The following PRLR variants were observed in gnomAD, a reference collection of about 807,000 sequenced individuals.
The protein encoded by PRLR is prolactin receptor.
PRLR carries 13 observed loss-of-function variants against 40.2 expected under a neutral mutation model. The ratio of observed to expected loss-of-function variants is 0.32; its 90% CI spans 0.21 to 0.51. The LOEUF (loss-of-function observed/expected upper bound fraction) is 0.51. Among genes scored for constraint, PRLR ranks in the 20% least tolerant of loss-of-function variants. The pLI is 0.97. For missense variants in PRLR, 656 were observed against 747.3 expected (o/e 0.88, Z 1.42); for synonymous variants, 269 against 278.7 (o/e 0.97, Z 0.35).
chr5:35,153,861 T>C (rs1774411230), intron 1 of PRLR, among the ~76,000 whole-genome samples: 1 of 151,536 alleles, frequency 6.6e-6, no homozygotes, highest in Admixed American at 6.6e-5. Context: ...TGGGTGCCCA[T>C]TTGGTCCTGA....
At chr5:35,155,593 G>A (rs899093352) in intron 1 of PRLR, among the ~76,000 whole-genome samples, 3 of 152,152 alleles carry the variant, frequency 2.0e-5, no homozygotes, top group African/African-American at 7.2e-5. Context: ...GGTTCTTAAC[G>A]ATACCTGGGA....
Position 35,188,004 on chromosome 5 carries a change from A to G in PRLR, c.-106+42264T>C, listed in dbSNP as rs147493485. Among the ~76,000 whole-genome samples, 263 of 152,228 alleles carry G rather than the reference A, an allele frequency of 1.7e-3. 1 individual carries two copies. The highest frequency in any genetic ancestry group is 4.6e-3 in the Admixed American group (71 of 15,290). ...CTCAACTGTTAACTGCATATCCCCA[A>G]TCATTTTCCCTTGGCAGCTCAATTT... On this transcript the variant is annotated intron_variant, in intron 1 of 9. Coordinates refer to ENST00000618457, the MANE Select transcript of PRLR (RefSeq NM_000949.7).
chr5:35,084,570 C>T lies in PRLR; in HGVS notation c.273G>A (p.Gln91=), dbSNP rs756509968. 1.2e-6 allele frequency: 2 copies of T among 1,609,680 alleles called. No homozygotes were observed. Among genetic ancestry groups the T allele is most frequent in the Admixed American group, 3.4e-5 (2 of 59,056 alleles). Residue 91 remains glutamine (Q), a synonymous_variant, in exon 5 of 10, where the codon CAG becomes CAA. Coordinates refer to ENST00000618457, the MANE Select transcript of PRLR (RefSeq NM_000949.7). ...TGTATGTCCTCCACATGGAGGTGTA[C>T]TGCTTGCCAAAGTGGCAGGAGTTGG... The part of the protein sequence containing the change: ...GGPNSCHFGK[Q]YTSMWRTYIM...
In PRLR at chr5:35,049,830, C is replaced by T. The variant is rs910793755; in HGVS notation, c.1010-422G>A. Among the ~76,000 whole-genome samples the T allele has an allele frequency of 5.3e-5, 8 of 149,874 alleles. No individual in the cohort carries two copies. The East Asian group carries it at 1.6e-3, about 30-fold the overall frequency. The stretch of plus-strand genomic sequence containing the variant: ...GGATTCCTAGGTCAAAATGTGTGTA[C>T]ATTTTAAATGCATCTCAGTAAGATG... On this transcript the variant is annotated intron_variant, in intron 8 of 8. Transcript: ENST00000231423.
At chr5:35,095,075 C>A (rs555845237) in intron 2 of PRLR, among the ~76,000 whole-genome samples, 41 of 152,192 alleles carry the variant, frequency 2.7e-4, no homozygotes, top group Non-Finnish European at 4.6e-4. Context: ...GAAATTTACC[C>A]GCCTTGGCCT....
chr5:35,225,412 G>A (rs1034041386), intron 1 of PRLR, among the ~76,000 whole-genome samples: 54 of 152,198 alleles, frequency 3.5e-4, no homozygotes, highest in African/African-American at 1.3e-3. Context: ...GGGGGCAGAT[G>A]AGAAGGAGCC....
At chr5:35,053,956 C>G, downstream of PRLR, among the ~76,000 whole-genome samples, 1 of 152,070 alleles carries the variant, frequency 6.6e-6, no homozygotes, top group East Asian at 1.9e-4. Context: ...AATAGATACA[C>G]AGAAAAATGG....
At chr5:35,118,017 G>T in intron 2 of PRLR, 44 bp downstream of exon 2, 3 of 936,314 alleles carry the variant, frequency 3.2e-6, no homozygotes, top group Non-Finnish European at 3.8e-6. Context: ...CAGTGGGGCA[G>T]ATGGGTGGTG....
chr5:35,058,248 T>C lies in PRLR; in HGVS notation c.*6841A>G, dbSNP rs1191274035. 6 of 152,076 alleles carry C rather than the reference T, an allele frequency of 3.9e-5. No individual in the cohort carries two copies. Among genetic ancestry groups the C allele is most frequent in the Non-Finnish European group, 8.8e-5 (6 of 67,994 alleles). 9.4% of individuals were successfully genotyped at this position (152,076 alleles called of 1,614,324 possible). A position where few individuals can be genotyped will look rare whatever the true frequency, so the allele number is the denominator to read the frequency against. ...AGGGAAAGAGGAAAAGCAGAGGTAG[T>C]GGTAGCTTTGAAAATGTGGAACCTT... On this transcript the variant is annotated 3_prime_UTR_variant, in exon 10 of 10. Coordinates refer to ENST00000618457, the MANE Select transcript of PRLR (RefSeq NM_000949.7).
chr5:35,086,090 G>T, intron 4 of PRLR, 118 bp downstream of exon 4: 1 of 1,261,330 alleles, frequency 7.9e-7, no homozygotes, highest in Non-Finnish European at 1.1e-6. Flanking sequence ...TTCCCCGGTG[G>T]TATGAACCTT....
intron 1 of PRLR, among the ~76,000 whole-genome samples, chr5:35,128,891 C>T (rs962842964): frequency 1.3e-5 from 2 of 152,176 alleles, no homozygotes; most frequent in Admixed American, 6.5e-5. Context: ...GCACAACTCT[C>T]AGGCAAGACC....
chr5:35,130,676 T>G (rs1415881274), intron 1 of PRLR, among the ~76,000 whole-genome samples: 2 of 152,150 alleles, frequency 1.3e-5, no homozygotes, highest in Non-Finnish European at 2.9e-5. Context: ...GTTTGGATGG[T>G]GTTATGGGTT....
At chr5:35,131,696 GA>G (rs1447391852) in intron 1 of PRLR, among the ~76,000 whole-genome samples, 2 of 152,090 alleles carry the variant, frequency 1.3e-5, no homozygotes, top group Non-Finnish European at 2.9e-5. Flanking sequence ...TTGGAACTCT[GA>G]ACATATATTT....
intron 2 of PRLR, among the ~76,000 whole-genome samples, chr5:35,106,711 C>T (rs1467921660): frequency 6.6e-6 from 1 of 152,122 alleles, no homozygotes; most frequent in African/African-American, 2.4e-5. Context: ...TACAGGAGCA[C>T]CCAGATTCAT....
intron 6 of PRLR, 54 bp from the exon 7 acceptor site, chr5:35,070,319 G>C (rs557632708): frequency 6.3e-7 from 1 of 1,591,378 alleles, no homozygotes; most frequent in Non-Finnish European, 8.6e-7. Flanking sequence ...TGTGAAGAAA[G>C]AGAGTTTTCC....
chr5:35,106,814 C>G (rs188103648), intron 2 of PRLR, among the ~76,000 whole-genome samples: 31 of 152,238 alleles, frequency 2.0e-4, no homozygotes, highest in Non-Finnish European at 3.8e-4. Flanking sequence ...TTAGACAGAT[C>G]GATGACACAG....
intron 1 of PRLR, among the ~76,000 whole-genome samples, chr5:35,131,592 T>C (rs1358092618): frequency 1.3e-5 from 2 of 152,208 alleles, no homozygotes; most frequent in Admixed American, 1.3e-4. Context: ...GCTGATCCCC[T>C]GTATGGCCCA....
chr5:35,181,126 T>C lies in PRLR; in HGVS notation c.-106+49142A>G, dbSNP rs569327636. ...TCAAGGCTCTGTGCAAATGGAAATT[T>C]GTCCTCATAGCTTCCTGGTATGTAT... On this transcript the variant is annotated intron_variant, in intron 1 of 9. Coordinates refer to ENST00000618457, the MANE Select transcript of PRLR (RefSeq NM_000949.7). Among the ~76,000 whole-genome samples the C allele has an allele frequency of 2.0e-5, 3 of 152,352 alleles. No individual in the cohort carries two copies. The East Asian group carries it at 5.8e-4, about 29-fold the overall frequency.
chr5:35,167,827 TG>T (rs1774886956), intron 1 of PRLR, among the ~76,000 whole-genome samples: 1 of 151,492 alleles, frequency 6.6e-6, no homozygotes, highest in African/African-American at 2.4e-5. Flanking sequence ...TAAATGAAAA[TG>T]TTTTAAAAAT....
Sources: allele counts gnomAD v4.1 joint callset (sites outside exome capture counted in the v4.1 genomes callset), GRCh38; gene constraint gnomAD v4.1.1; transcripts MANE v1.5; gene names NCBI Gene and HGNC (gene_info 2026-07-23, HGNC 2026-07-21).